SLC9C1: variants seen among roughly 807,000 people sequenced by gnomAD.
The protein encoded by SLC9C1 is solute carrier family 9 member C1, also known as sodium/hydrogen exchanger 10.
SLC9C1 carries 97 observed loss-of-function variants against 140.9 expected under a neutral mutation model. That is an observed-to-expected ratio of 0.69 (90% CI 0.58 to 0.82). The LOEUF (loss-of-function observed/expected upper bound fraction) is 0.82. Ranked by LOEUF, SLC9C1 falls within the 40% of genes least tolerant of loss-of-function variation. SLC9C1 has a pLI of 0.00. For synonymous variants in SLC9C1, 440 were observed against 442.6 expected, an observed-to-expected ratio of 0.99 and a Z score of 0.07; for missense variants, 1,340 against 1,389.3, an observed-to-expected ratio of 0.96 and a Z score of 0.56.
intron 26 of SLC9C1, among the ~76,000 whole-genome samples, chr3:112,158,486 T>G (rs920502663): frequency 6.6e-6 from 1 of 152,088 alleles, no homozygotes; most frequent in African/African-American, 2.4e-5. Context: ...TTTTCTATTT[T>G]TCCTGTGTCC....
intron 20 of SLC9C1, among the ~76,000 whole-genome samples, chr3:112,193,572 TG>T (rs974642520): frequency 2.6e-5 from 4 of 152,084 alleles, no homozygotes; most frequent in African/African-American, 9.7e-5. Flanking sequence ...ATATGTCTGC[TG>T]GGGGTAGCCC....
intron 15 of SLC9C1, among the ~76,000 whole-genome samples, chr3:112,211,634 TG>T (rs2078208831): frequency 1.3e-5 from 2 of 152,200 alleles, no homozygotes; most frequent in African/African-American, 2.4e-5. Flanking sequence ...GAGATCGAAC[TG>T]CAAGGCAGCA....
At chr3:112,289,604 T>C (rs574126346) in intron 1 of SLC9C1, among the ~76,000 whole-genome samples, 1 of 152,284 alleles carries the variant, frequency 6.6e-6, no homozygotes, top group African/African-American at 2.4e-5. Flanking sequence ...TGTGGGATCA[T>C]TTATGTCAAA....
At chr3:112,216,743 T>G (rs1224929955) in intron 15 of SLC9C1, among the ~76,000 whole-genome samples, 1 of 152,168 alleles carries the variant, frequency 6.6e-6, no homozygotes, top group Non-Finnish European at 1.5e-5. Flanking sequence ...AGGAACACAT[T>G]TACACTGTTT....
intron 10 of SLC9C1, among the ~76,000 whole-genome samples, chr3:112,253,019 A>G (rs2079506758): frequency 2.6e-5 from 4 of 152,054 alleles, no homozygotes; most frequent in Admixed American, 2.6e-4. Context: ...AAATCTGAGG[A>G]GACTAGGGAC....
intron 26 of SLC9C1, among the ~76,000 whole-genome samples, chr3:112,162,043 C>T (rs200152698): frequency 6.6e-6 from 1 of 152,082 alleles, no homozygotes; most frequent in Non-Finnish European, 1.5e-5. Flanking sequence ...TTGTGAATGG[C>T]AGTTCACTCA....
chr3:112,211,714 C>A (rs1264636859), intron 15 of SLC9C1, among the ~76,000 whole-genome samples: 1 of 152,230 alleles, frequency 6.6e-6, no homozygotes, highest in South Asian at 2.1e-4. Flanking sequence ...CCGGGAGGCT[C>A]AAGCTGGGTG....
Position 112,242,270 on chromosome 3 carries a change from T to C in SLC9C1, c.1279+1725A>G, listed in dbSNP as rs140502469. On this transcript the variant is annotated intron_variant, in intron 11 of 28. Transcript: ENST00000305815. The stretch of plus-strand genomic sequence containing the variant: ...GGCAAAAAACAATCCCATTTAAAAA[T>C]TGGCAAAGGTTAAGTGTCCATCAAC... Among the ~76,000 whole-genome samples the C allele has an allele frequency of 3.6e-3, 553 of 152,188 alleles. 3 individuals are homozygous for C. Among genetic ancestry groups the C allele is most frequent in the African/African-American group, 0.012 (511 of 41,540 alleles).
intron 20 of SLC9C1, chr3:112,185,820 G>A (rs1446202336): frequency 2.0e-5 from 32 of 1,578,030 alleles, no homozygotes; most frequent in Non-Finnish European, 2.7e-5. Flanking sequence ...GCGCAGGGGA[G>A]TGCCCTCCTC....
intron 13 of SLC9C1, among the ~76,000 whole-genome samples, chr3:112,222,644 A>G (rs978348411): frequency 5.3e-5 from 8 of 152,162 alleles, no homozygotes; most frequent in African/African-American, 1.7e-4. Flanking sequence ...TTAGTCACAT[A>G]TCATATTAGT....
Position 112,286,770 on chromosome 3 carries a change from ACTC to A in SLC9C1, c.19_21del (p.Glu7del). On this transcript the variant is annotated inframe_deletion, in exon 2 of 29. Coordinates refer to ENST00000305815, the MANE Select transcript of SLC9C1 (RefSeq NM_183061.3). ...GGGAGGTCCTCAGTACTGAAAAAAA[ACTC>A]CTTAAATATTCCAGCCATGTTTCAG... The A allele has an allele frequency of 6.2e-7, 1 of 1,612,180 alleles. No homozygotes were observed. Among genetic ancestry groups the A allele is most frequent in the Non-Finnish European group, 8.5e-7 (1 of 1,179,302 alleles).
chr3:112,290,282 C>CA (rs2080640419), intron 1 of SLC9C1, among the ~76,000 whole-genome samples: 1 of 152,098 alleles, frequency 6.6e-6, no homozygotes, highest in Admixed American at 6.6e-5. Context: ...TATTGTTTTC[C>CA]AAACTAAGAA....
chr3:112,242,653 T>C (rs1397770122), intron 11 of SLC9C1, among the ~76,000 whole-genome samples: 1 of 152,150 alleles, frequency 6.6e-6, no homozygotes, highest in African/African-American at 2.4e-5. Flanking sequence ...TAATTAATTG[T>C]GCATTTAAAA....
chr3:112,228,006 C>T (rs12489616), intron 13 of SLC9C1, among the ~76,000 whole-genome samples: 114,789 of 151,946 alleles, frequency 0.76, 43,760 homozygotes, highest in East Asian at 0.99. Context: ...GTGGATTCAA[C>T]GCAATCCCTA....
At chr3:112,178,973 A>T (rs191010833) in intron 23 of SLC9C1, among the ~76,000 whole-genome samples, 3 of 152,260 alleles carry the variant, frequency 2.0e-5, no homozygotes, top group Non-Finnish European at 4.4e-5. Flanking sequence ...TTTCAAAGTA[A>T]TAAAATGATA....
intron 23 of SLC9C1, among the ~76,000 whole-genome samples, chr3:112,176,227 G>T (rs2077333687): frequency 6.6e-6 from 1 of 152,194 alleles, no homozygotes; most frequent in African/African-American, 2.4e-5. Flanking sequence ...TTCACTCACT[G>T]CTTCCCTGGG....
chr3:112,164,917 C>T (rs919973716), intron 26 of SLC9C1, among the ~76,000 whole-genome samples: 5 of 152,310 alleles, frequency 3.3e-5, no homozygotes, highest in Admixed American at 1.3e-4. Context: ...ACCAATCAGA[C>T]GTAGATTTGG....
intron 7 of SLC9C1, 83 bp downstream of exon 7, chr3:112,269,832 CT>C: frequency 8.2e-7 from 1 of 1,216,536 alleles, no homozygotes. Context: ...TTTTTACTAA[CT>C]TTTGCCTGGT....
chr3:112,155,763 G>A (rs575340988), intron 26 of SLC9C1, among the ~76,000 whole-genome samples: 1 of 152,204 alleles, frequency 6.6e-6, no homozygotes, highest in South Asian at 2.1e-4. Context: ...GGAGGTAGCA[G>A]GTGAAAGAGC....
Sources: gnomAD v4.1 joint callset for allele counts (sites outside exome capture counted in the v4.1 genomes callset) on GRCh38, gnomAD v4.1.1 for gene constraint, MANE v1.5 for transcripts, NCBI Gene and HGNC (gene_info 2026-07-23, HGNC 2026-07-21) for gene names.